DMD: variants seen among roughly 807,000 people sequenced by gnomAD.
DMD encodes mutant dystrophin.
DMD carries 63 observed loss-of-function variants against 330.1 expected under a neutral mutation model. The observed-to-expected ratio is 0.19, with a 90% CI of 0.16 to 0.24. The LOEUF (loss-of-function observed/expected upper bound fraction) is 0.24, where lower values mean the gene tolerates loss of function less well. Ranked by LOEUF, DMD falls within the 10% of genes least tolerant of loss-of-function variation. DMD has a pLI of 1.00. For missense variants in DMD, 3,344 were observed against 2,684.1 expected (o/e 1.25, Z -5.43); for synonymous variants, 1,223 against 959.8 (o/e 1.27, Z -5.07).
intron 51 of DMD, among the ~76,000 whole-genome samples, chrX:31,733,878 A>G (rs993645161): frequency 1.4e-4 from 15 of 111,032 alleles, no homozygotes; most frequent in African/African-American, 4.9e-4. Context: ...TTGGATATTG[A>G]TATTTTCCTA....
intron 49 of DMD, among the ~76,000 whole-genome samples, chrX:31,822,119 G>T (rs2092775001): frequency 8.9e-6 from 1 of 112,249 alleles, no homozygotes; most frequent in South Asian, 3.7e-4. Flanking sequence ...AGACATGTAA[G>T]TAAATTAGAA....
intron 21 of DMD, among the ~76,000 whole-genome samples, chrX:32,472,774 T>C (rs1309257793): frequency 9.0e-6 from 1 of 111,239 alleles, no homozygotes; most frequent in African/African-American, 3.3e-5. Context: ...AATTATATCA[T>C]GTCATGTCTA....
At chrX:32,079,374 C>T (rs956238961) in intron 44 of DMD, among the ~76,000 whole-genome samples, 3 of 111,050 alleles carry the variant, frequency 2.7e-5, no homozygotes, top group Non-Finnish European at 3.8e-5. Flanking sequence ...GCGGGTGGAT[C>T]GCTTGAGGTC....
chrX:32,702,885 A>G (rs187345631), intron 7 of DMD, among the ~76,000 whole-genome samples: 11 of 111,671 alleles, frequency 9.9e-5, no homozygotes, highest in Admixed American at 2.9e-4. Context: ...AGATTAATAA[A>G]CTGACAATAA....
At chrX:32,837,677 A>G (rs912269091) in intron 4 of DMD, among the ~76,000 whole-genome samples, 2 of 111,895 alleles carry the variant, frequency 1.8e-5, no homozygotes, top group Admixed American at 9.6e-5. Context: ...GACAGTTAAT[A>G]CACTTGACTT....
At chrX:31,508,172 C>A in intron 55 of DMD, 1 of 1,115,304 alleles carries the variant, frequency 9.0e-7, no homozygotes, top group South Asian at 1.9e-5. Context: ...TGTATACACA[C>A]AGATCAAGAA....
intron 9 of DMD, among the ~76,000 whole-genome samples, chrX:32,666,160 C>G (rs191271155): frequency 1.8e-5 from 2 of 111,162 alleles, no homozygotes; most frequent in East Asian, 5.7e-4. Context: ...ATGACAAGGA[C>G]AGTACAGTTG....
intron 55 of DMD, among the ~76,000 whole-genome samples, chrX:31,615,685 A>G (rs181195112): frequency 8.9e-6 from 1 of 111,979 alleles, no homozygotes; most frequent in African/African-American, 3.2e-5. Context: ...TTAACAATTG[A>G]AGCTTTCTTT....
chrX:32,270,175 G>T (rs1181470947), intron 43 of DMD, among the ~76,000 whole-genome samples: 1 of 112,420 alleles, frequency 8.9e-6, no homozygotes, highest in Non-Finnish European at 1.9e-5. Context: ...CAACTACCAA[G>T]TGTGCTGAAG....
At chrX:32,395,952 T>G (rs1397094576) in intron 30 of DMD, among the ~76,000 whole-genome samples, 1 of 111,390 alleles carries the variant, frequency 9.0e-6, no homozygotes, top group Non-Finnish European at 1.9e-5. Flanking sequence ...TATAATTTTT[T>G]TTTTCAAAGA....
intron 28 of DMD, among the ~76,000 whole-genome samples, chrX:32,440,761 G>A (rs1279052473): frequency 1.8e-5 from 2 of 111,653 alleles, no homozygotes; most frequent in African/African-American, 6.5e-5. Flanking sequence ...TCCGTAAGGT[G>A]TAAATTTGTG....
rs72466586 is a variant in DMD, at chrX:31,774,228, G to A, written c.7310-36C>T. On this transcript the variant is annotated intron_variant, in intron 50 of 78. Coordinates refer to ENST00000357033, the MANE Select transcript of DMD (RefSeq NM_004006.3). ...TTGGGTTTTTGCAAAAAGGAAAAAA[G>A]AAGAAAAAGAAAAATTAGAAACACA... The A allele has an allele frequency of 0.012, 12,865 of 1,034,341 alleles. 72 individuals carry two copies. Among genetic ancestry groups the A allele is most frequent in the Non-Finnish European group, 0.014 (10,281 of 743,604 alleles). 85.2% of individuals were successfully genotyped at this position (1,034,341 alleles called of 1,213,427 possible). A position where few individuals can be genotyped will look rare whatever the true frequency, so the allele number is the denominator to read the frequency against.
intron 2 of DMD, among the ~76,000 whole-genome samples, chrX:32,864,963 A>C (rs773709755): frequency 8.9e-6 from 1 of 112,104 alleles, no homozygotes; most frequent in African/African-American, 3.2e-5. Flanking sequence ...GAAAAGTGCC[A>C]GTTCCTTACT....
intron 1 of DMD, among the ~76,000 whole-genome samples, chrX:33,279,427 C>T (rs1331072772): frequency 9.6e-6 from 1 of 104,153 alleles, no homozygotes; most frequent in Non-Finnish European, 1.9e-5. Context: ...GGTAATATTC[C>T]ATGGTATGCA....
intron 1 of DMD, among the ~76,000 whole-genome samples, chrX:33,075,091 A>C (rs2094819221): frequency 8.9e-6 from 1 of 111,746 alleles, no homozygotes; most frequent in African/African-American, 3.3e-5. Flanking sequence ...CGACTTCCCC[A>C]ACTACTCTTG....
chrX:32,326,176 A>G (rs947468327), intron 41 of DMD, among the ~76,000 whole-genome samples: 8 of 111,935 alleles, frequency 7.1e-5, no homozygotes, highest in African/African-American at 2.3e-4. Flanking sequence ...GTATTTACAA[A>G]ATTATCTGAC....
At chrX:32,109,298 T>C (rs1419155230) in intron 44 of DMD, among the ~76,000 whole-genome samples, 1 of 110,828 alleles carries the variant, frequency 9.0e-6, no homozygotes, top group East Asian at 2.8e-4. Context: ...GTGATATGTA[T>C]TTCTCTTTAT....
intron 41 of DMD, among the ~76,000 whole-genome samples, chrX:32,341,557 C>T (rs756122125): frequency 1.8e-5 from 2 of 111,947 alleles, no homozygotes; most frequent in East Asian, 5.7e-4. Flanking sequence ...AACCATCTTA[C>T]TAGGCATCCA....
intron 1 of DMD, among the ~76,000 whole-genome samples, chrX:33,324,292 G>A (rs150147870): frequency 3.9e-4 from 43 of 110,777 alleles, no homozygotes; most frequent in African/African-American, 1.3e-3. Flanking sequence ...ATGAGGTTCA[G>A]TACCACTTGA....
Sources: gnomAD v4.1 joint callset for allele counts (sites outside exome capture counted in the v4.1 genomes callset) on GRCh38, gnomAD v4.1.1 for gene constraint, MANE v1.5 for transcripts, NCBI Gene and HGNC (gene_info 2026-07-23, HGNC 2026-07-21) for gene names.